Variants in GRP observed in about 807,000 individuals in gnomAD.
GRP encodes gastrin releasing peptide, also known as gastrin-releasing peptide.
GRP carries 11 observed loss-of-function variants against 12.7 expected under a neutral mutation model. The ratio of observed to expected loss-of-function variants is 0.87; its 90% CI spans 0.55 to 1.44. The LOEUF is 1.44. Ranked by LOEUF, GRP falls within the 40% of genes most tolerant of loss-of-function variation. The probability of loss-of-function intolerance (pLI) is 0.00; values close to 1 mark genes in which losing one functional copy is unlikely to be tolerated. For missense variants in GRP, 212 were observed against 185.4 expected, an observed-to-expected ratio of 1.14 and a Z score of -0.83; for synonymous variants, 84 against 77.7, an observed-to-expected ratio of 1.08 and a Z score of -0.43.
intron 2 of GRP, among the ~76,000 whole-genome samples, chr18:59,229,542 A>G (rs752038794): frequency 4.6e-5 from 7 of 152,200 alleles, no homozygotes; most frequent in Non-Finnish European, 7.3e-5. Context: ...TCATTAGCCC[A>G]TGGTCAAAAC....
Position 59,230,478 on chromosome 18 carries a change from CCT to C in GRP, c.*16_*17del. On this transcript the variant is annotated 3_prime_UTR_variant, in exon 3 of 3. Coordinates refer to ENST00000256857, the MANE Select transcript of GRP (RefSeq NM_002091.5). ...GCTGAACCAGCAATGATAATGATGG[CCT>C]CTCTCAAAAGAGAAAAACAAAACCC... 6.5e-7 allele frequency: 1 copy of C among 1,528,890 alleles called. No individual in the cohort carries two copies. Among genetic ancestry groups the C allele is most frequent in the Non-Finnish European group, 9.1e-7 (1 of 1,102,136 alleles). The allele number at this position is 1,528,890 out of a possible 1,614,324, so 94.7% of individuals were successfully genotyped here. A position where few individuals can be genotyped will look rare whatever the true frequency, so the allele number is the denominator to read the frequency against.
chr18:59,220,324 G>C lies in GRP; in HGVS notation c.59G>C (p.Arg20Pro). Reference sequence around the variant, plus strand: ...GCGCTGGTCCTCTGCCTGGCGCCCCGGGGGCGAGCGGTCCCGCTGCCTGCG... The same window carrying C: ...GCGCTGGTCCTCTGCCTGGCGCCCCCGGGGCGAGCGGTCCCGCTGCCTGCG... ...LLALVLCLAPRGRAVPLPAGG... is the reference protein window; with the variant it reads ...LLALVLCLAPPGRAVPLPAGG... Residue 20 changes from arginine to proline, a missense_variant, in exon 1 of 3, where the codon CGG (arginine) becomes CCG (proline). Coordinates refer to ENST00000256857, the MANE Select transcript of GRP (RefSeq NM_002091.5). 1 of 1,495,344 alleles carries C rather than the reference G, an allele frequency of 6.7e-7. No homozygotes were observed. Among genetic ancestry groups the C allele is most frequent in the Admixed American group, 2.2e-5 (1 of 46,352 alleles). 92.6% of individuals were successfully genotyped at this position (1,495,344 alleles called of 1,614,324 possible).
intron 1 of GRP, among the ~76,000 whole-genome samples, chr18:59,224,289 C>G (rs182108624): frequency 6.6e-6 from 1 of 152,148 alleles, no homozygotes; most frequent in East Asian, 1.9e-4. Context: ...AAATCCAGCA[C>G]ATTTAAACAT....
chr18:59,221,390 C>G (rs962260292), intron 1 of GRP, among the ~76,000 whole-genome samples: 3 of 152,136 alleles, frequency 2.0e-5, no homozygotes, highest in Non-Finnish European at 4.4e-5. Context: ...CTGGCAGCCT[C>G]GGCTCACCCA....
intron 2 of GRP, among the ~76,000 whole-genome samples, chr18:59,228,940 T>C (rs181964436): frequency 6.6e-6 from 1 of 152,172 alleles, no homozygotes; most frequent in Non-Finnish European, 1.5e-5. Flanking sequence ...TTTTATTTAG[T>C]GGACATGAAG....
At chr18:59,227,299 C>G (rs555845327) in intron 2 of GRP, among the ~76,000 whole-genome samples, 1 of 152,168 alleles carries the variant, frequency 6.6e-6, no homozygotes, top group African/African-American at 2.4e-5. Context: ...CAAAAACAAT[C>G]CTAGATTAAA....
intron 1 of GRP, among the ~76,000 whole-genome samples, chr18:59,224,913 C>G (rs1428317550): frequency 6.6e-6 from 1 of 152,176 alleles, no homozygotes; most frequent in Non-Finnish European, 1.5e-5. Context: ...TCAGTTCAGT[C>G]TCAACTAAAA....
At chr18:59,221,895 G>A (rs1369670174) in intron 1 of GRP, among the ~76,000 whole-genome samples, 1 of 152,116 alleles carries the variant, frequency 6.6e-6, no homozygotes, top group Admixed American at 6.5e-5. Flanking sequence ...ATGTGTGATC[G>A]CTGAGGGACA....
At chr18:59,222,559 A>G (rs190249589) in intron 1 of GRP, among the ~76,000 whole-genome samples, 267 of 152,364 alleles carry the variant, frequency 1.8e-3, no homozygotes, top group African/African-American at 6.1e-3. Context: ...CCTCTGTTGG[A>G]ATATGAGCAT....
At chr18:59,227,738 A>T (rs1489990414) in intron 2 of GRP, among the ~76,000 whole-genome samples, 3 of 152,138 alleles carry the variant, frequency 2.0e-5, no homozygotes, top group African/African-American at 7.2e-5. Flanking sequence ...TATTTCCTCA[A>T]CCTGGCTCTG....
At chr18:59,229,712 G>A (rs117536227) in intron 2 of GRP, among the ~76,000 whole-genome samples, 3,111 of 152,232 alleles carry the variant, frequency 0.02, 45 homozygotes, top group Non-Finnish European at 0.031. Flanking sequence ...TCATCTCAGC[G>A]CGTAAAGGGT....
intron 2 of GRP, among the ~76,000 whole-genome samples, chr18:59,226,926 CT>C (rs890164249): frequency 6.6e-6 from 1 of 151,190 alleles, no homozygotes; most frequent in Non-Finnish European, 1.5e-5. Flanking sequence ...CTTTCTCTTT[CT>C]TTTTTTTTCT....
intron 2 of GRP, among the ~76,000 whole-genome samples, chr18:59,227,033 C>CT (rs1370374636): frequency 7.6e-6 from 1 of 132,276 alleles, no homozygotes; most frequent in Non-Finnish European, 1.6e-5. Context: ...TTCTTTCTTT[C>CT]TTTCTTTCTT....
At chr18:59,222,102 A>G (rs2069844829) in intron 1 of GRP, among the ~76,000 whole-genome samples, 2 of 152,222 alleles carry the variant, frequency 1.3e-5, no homozygotes, top group South Asian at 4.1e-4. Flanking sequence ...TGGGGCTGGA[A>G]AGATGGAATG....
At chr18:59,229,023 C>T (rs1255173232) in intron 2 of GRP, among the ~76,000 whole-genome samples, 2 of 152,222 alleles carry the variant, frequency 1.3e-5, no homozygotes, top group Non-Finnish European at 2.9e-5. Flanking sequence ...TTTTAAGGGA[C>T]TGCTCTCACT....
At chr18:59,223,578 C>G (rs759062389) in intron 1 of GRP, among the ~76,000 whole-genome samples, 1 of 152,202 alleles carries the variant, frequency 6.6e-6, no homozygotes, top group Non-Finnish European at 1.5e-5. Context: ...ATCTGCATCA[C>G]TTCTCTGTTT....
intron 1 of GRP, among the ~76,000 whole-genome samples, chr18:59,221,201 T>C (rs1486219845): frequency 6.6e-6 from 1 of 152,132 alleles, no homozygotes; most frequent in Admixed American, 6.5e-5. Flanking sequence ...TCCTTTCCCA[T>C]TCCCTCTGCA....
In GRP at chr18:59,221,595, C is replaced by CTGTGTGTGTGTGTG. The variant is rs143541111; in HGVS notation, c.139+1199_139+1212dup. On this transcript the variant is annotated intron_variant, in intron 1 of 2. Transcript: ENST00000256857. ...TGTGTGTCTCTGTGTGTGTGTGTCT[C>CTGTGTGTGTGTGTG]TGTGTGTGTGTGTGTGTGTGTATTT... Among the ~76,000 whole-genome samples the CTGTGTGTGTGTGTG allele has an allele frequency of 4.1e-3, 618 of 149,866 alleles. 6 individuals are homozygous for CTGTGTGTGTGTGTG. Among genetic ancestry groups the CTGTGTGTGTGTGTG allele is most frequent in the African/African-American group, 0.014 (571 of 40,912 alleles).
At chr18:59,225,998 A>AT (rs111829282) in intron 2 of GRP, among the ~76,000 whole-genome samples, 6,900 of 149,692 alleles carry the variant, frequency 0.046, 245 homozygotes, top group African/African-American at 0.1. Context: ...CATTGATGGG[A>AT]TTTTTTTTTT....
Sources: gnomAD v4.1 joint callset for allele counts (sites outside exome capture counted in the v4.1 genomes callset) on GRCh38, gnomAD v4.1.1 for gene constraint, MANE v1.5 for transcripts, NCBI Gene and HGNC (gene_info 2026-07-23, HGNC 2026-07-21) for gene names.